PTPRN2: variants seen among roughly 807,000 people sequenced by gnomAD.
PTPRN2 encodes protein tyrosine phosphatase receptor type N2.
PTPRN2 carries 74 observed loss-of-function variants against 118.8 expected under a neutral mutation model. The ratio of observed to expected loss-of-function variants is 0.62; its 90% CI spans 0.52 to 0.76. PTPRN2 has a LOEUF of 0.76. Ranked by LOEUF, PTPRN2 falls within the 30% of genes least tolerant of loss-of-function variation. The pLI, the probability that PTPRN2 is intolerant of heterozygous loss-of-function variation, is 0.00. For synonymous variants in PTPRN2, 641 were observed against 608.0 expected (o/e 1.05, Z -0.80); for missense variants, 1,481 against 1,394.4 (o/e 1.06, Z -0.99).
chr7:157,695,147 T>C (rs187378897), intron 12 of PTPRN2, among the ~76,000 whole-genome samples: 1 of 152,172 alleles, frequency 6.6e-6, no homozygotes, highest in African/African-American at 2.4e-5. Context: ...ACCAAATTGT[T>C]ATAGATTACA....
chr7:157,918,114 C>T (rs1180094018), intron 11 of PTPRN2, among the ~76,000 whole-genome samples: 3 of 152,178 alleles, frequency 2.0e-5, no homozygotes, highest in African/African-American at 7.2e-5. Flanking sequence ...CTTAGTTTGT[C>T]CTTTTCTTCA....
chr7:157,925,858 T>A (rs1340145676), intron 11 of PTPRN2, among the ~76,000 whole-genome samples: 1 of 151,244 alleles, frequency 6.6e-6, no homozygotes. Flanking sequence ...CACGGGCCAC[T>A]CTTCAAAGCG....
intron 2 of PTPRN2, among the ~76,000 whole-genome samples, chr7:158,487,127 G>A (rs936592560): frequency 1.6e-4 from 24 of 152,176 alleles, no homozygotes; most frequent in African/African-American, 4.1e-4. Flanking sequence ...TCAAGGCTGC[G>A]TACTATTCCA....
chr7:157,832,706 C>T (rs372462986), intron 12 of PTPRN2, among the ~76,000 whole-genome samples: 5 of 152,202 alleles, frequency 3.3e-5, no homozygotes, highest in Non-Finnish European at 7.3e-5. Context: ...ACATATGCTT[C>T]GCGTGGGAAT....
At chr7:157,731,073 C>G (rs1423981251) in intron 12 of PTPRN2, among the ~76,000 whole-genome samples, 1 of 152,156 alleles carries the variant, frequency 6.6e-6, no homozygotes, top group African/African-American at 2.4e-5. Flanking sequence ...TCAAGTAAAC[C>G]CCCTGCAGTT....
chr7:158,523,231 G>A (rs146084137), intron 1 of PTPRN2, among the ~76,000 whole-genome samples: 29 of 152,300 alleles, frequency 1.9e-4, no homozygotes, highest in Non-Finnish European at 3.1e-4. Context: ...GACCAGGGGC[G>A]GGGGTGGTGG....
At chr7:158,262,241 C>G (rs1316788463) in intron 3 of PTPRN2, among the ~76,000 whole-genome samples, 1 of 152,288 alleles carries the variant, frequency 6.6e-6, no homozygotes, top group South Asian at 2.1e-4. Flanking sequence ...GACACACAGG[C>G]ACTCACACTC....
At chr7:158,333,566 T>G (rs1804938889) in intron 2 of PTPRN2, among the ~76,000 whole-genome samples, 2 of 150,620 alleles carry the variant, frequency 1.3e-5, no homozygotes, top group South Asian at 4.2e-4. Flanking sequence ...ACTCTCACCA[T>G]AAGAGCTGAT....
At position 157,981,308 on chromosome 7, in the gene PTPRN2, C is replaced by T. The variant is rs1474225944; in HGVS notation, c.1724-82571G>A. On this transcript the variant is annotated intron_variant, in intron 11 of 22. Coordinates refer to ENST00000389418, the MANE Select transcript of PTPRN2 (RefSeq NM_002847.5). ...GCTTCCATAGTCGGTGATGCTATTC[C>T]AGGACAGGTGAAACTGCTCAAACTC... is the stretch of plus-strand genomic sequence containing the variant. Among the ~76,000 whole-genome samples, 3 of 126,980 alleles carry T rather than the reference C, an allele frequency of 2.4e-5. No individual in the cohort carries two copies. The East Asian group carries it at 6.3e-4, about 27-fold the overall frequency. 83.3% of individuals were successfully genotyped at this position (126,980 alleles called of 152,430 possible).
intron 12 of PTPRN2, among the ~76,000 whole-genome samples, chr7:157,770,337 A>G (rs1222445254): frequency 2.0e-5 from 3 of 152,180 alleles, no homozygotes; most frequent in Non-Finnish European, 2.9e-5. Flanking sequence ...CTTAATGATA[A>G]CGCTAATTAA....
chr7:158,510,467 TC>T lies in PTPRN2; in HGVS notation c.113-20683del, dbSNP rs1823098195. Among the ~76,000 whole-genome samples, 5 of 151,702 alleles carry T rather than the reference TC, an allele frequency of 3.3e-5. No homozygotes were observed. In the South Asian group the frequency reaches 1.0e-3, roughly 32 times the overall value. On this transcript the variant is annotated intron_variant, in intron 1 of 22. Coordinates refer to ENST00000389418, the MANE Select transcript of PTPRN2 (RefSeq NM_002847.5). ...TACTCTCTCTCTCTCTCTCTCTCTC[TC>T]TCTCTCTCTCACCCAGAGTCCAGGC...
intron 2 of PTPRN2, among the ~76,000 whole-genome samples, chr7:158,392,972 C>T (rs1812055267): frequency 2.0e-5 from 3 of 152,344 alleles, no homozygotes; most frequent in South Asian, 2.1e-4. Flanking sequence ...CCACCAGCCC[C>T]TCCAGGGAGG....
chr7:158,341,118 CACGTCACTCACACCCACAG>C (rs2151225848), intron 2 of PTPRN2, among the ~76,000 whole-genome samples: 1 of 11,550 alleles, frequency 8.7e-5, no homozygotes, highest in Non-Finnish European at 2.6e-4. Context: ...CTCACACCCA[CACGTCACTCACACCCACAG>C]TCTCACCATA....
intron 11 of PTPRN2, chr7:158,030,284 G>A (rs12540718): frequency 0.072 from 10,904 of 152,290 alleles, 441 homozygotes; most frequent in Admixed American, 0.095. Flanking sequence ...TCCCCAGGAC[G>A]GATCCTTCAC....
intron 21 of PTPRN2, among the ~76,000 whole-genome samples, chr7:157,567,065 G>C (rs531545811): frequency 6.6e-6 from 1 of 152,336 alleles, no homozygotes; most frequent in South Asian, 2.1e-4. Flanking sequence ...TTGTCTGAGA[G>C]AGGGAAAGAA....
chr7:157,952,033 A>G (rs1800846203), intron 11 of PTPRN2, among the ~76,000 whole-genome samples: 1 of 152,066 alleles, frequency 6.6e-6, no homozygotes, highest in Non-Finnish European at 1.5e-5. Flanking sequence ...CTTCCTCCCA[A>G]GCTCACAGTC....
rs1456403024 is a variant in PTPRN2, at chr7:157,929,776, C to T, written c.1724-31039G>A. Among the ~76,000 whole-genome samples, 1 of 152,152 alleles carries T rather than the reference C, an allele frequency of 6.6e-6. No individual in the cohort carries two copies. Among genetic ancestry groups the T allele is most frequent in the African/African-American group, 2.4e-5 (1 of 41,426 alleles). On this transcript the variant is annotated intron_variant, in intron 11 of 22. Transcript: ENST00000389418. The surrounding 1 kb of genome is among the most constrained non-coding windows in gnomAD (Gnocchi z 4.4). Reference sequence around the variant, plus strand: ...GAGATGAATGGTGCCAGAAGGGAGTCTTTCCAAGTGCCCTGTAATGCAGAA... The same window carrying T: ...GAGATGAATGGTGCCAGAAGGGAGTTTTTCCAAGTGCCCTGTAATGCAGAA...
rs374496557 is a variant in PTPRN2, at chr7:158,403,455, G to A, written c.163+86280C>T. On this transcript the variant is annotated intron_variant, in intron 2 of 22. Coordinates refer to ENST00000389418, the MANE Select transcript of PTPRN2 (RefSeq NM_002847.5). The stretch of plus-strand genomic sequence containing the variant: ...CCCGGGCACAGGCCCAGCTGCCCTC[G>A]TTCTGCAACAGCTCCCAGGTAATCC... Among the ~76,000 whole-genome samples, 121 of 152,300 alleles carry A rather than the reference G, an allele frequency of 7.9e-4. 1 individual carries two copies. Among genetic ancestry groups the A allele is most frequent in the African/African-American group, 2.8e-3 (117 of 41,564 alleles).
At chr7:157,894,566 GC>G (rs1412463844) in intron 12 of PTPRN2, among the ~76,000 whole-genome samples, 2 of 102,112 alleles carry the variant, frequency 2.0e-5, no homozygotes, top group East Asian at 3.3e-4. Context: ...GAAGCTGAGA[GC>G]TGGGGTGTGA....
Sources: gnomAD v4.1 joint callset for allele counts (sites outside exome capture counted in the v4.1 genomes callset) on GRCh38, gnomAD v4.1.1 for gene constraint, Gnocchi (gnomAD v3.1) non-coding constraint, MANE v1.5 for transcripts, NCBI Gene and HGNC (gene_info 2026-07-23, HGNC 2026-07-21) for gene names.